The following ABLIM2 variants were observed in gnomAD, a reference collection of about 807,000 sequenced individuals.
ABLIM2 encodes actin binding LIM protein family member 2.
A neutral mutation model predicts 97.7 loss-of-function variants in ABLIM2; 53 were observed. That is an observed-to-expected ratio of 0.54 (90% CI 0.44 to 0.68). The LOEUF (loss-of-function observed/expected upper bound fraction) is 0.68. ABLIM2 is among the 30% of genes least tolerant of loss of function. The pLI, the probability that ABLIM2 is intolerant of heterozygous loss-of-function variation, is 0.00. For synonymous variants in ABLIM2, 361 were observed against 345.8 expected (o/e 1.04, Z -0.49); for missense variants, 835 against 867.2 (o/e 0.96, Z 0.47).
At position 8,124,877 on chromosome 4, in the gene ABLIM2, C is replaced by T. The variant is rs1232458214; in HGVS notation, c.11-18240G>A. 6.6e-6 allele frequency among the ~76,000 whole-genome samples: 1 copy of T among 152,184 alleles called. No homozygotes were observed. Among genetic ancestry groups the T allele is most frequent in the Non-Finnish European group, 1.5e-5 (1 of 68,032 alleles). ...TTCTGATTTCTACGCATCCCCACAGCCTGCTCTGGGTGTGCCTGCGATTTT... is the reference window on the plus strand; with the variant it reads ...TTCTGATTTCTACGCATCCCCACAGTCTGCTCTGGGTGTGCCTGCGATTTT... On this transcript the variant is annotated intron_variant, in intron 1 of 20. Transcript: ENST00000447017. The surrounding 1 kb of genome is among the most constrained non-coding windows in gnomAD (Gnocchi z 6.1).
intron 7 of ABLIM2, among the ~76,000 whole-genome samples, chr4:8,059,285 A>G (rs1292923552): frequency 6.6e-6 from 1 of 152,038 alleles, no homozygotes; most frequent in Non-Finnish European, 1.5e-5. Context: ...CCTCTGGCAT[A>G]AGGGTTATTT....
chr4:8,152,784 T>C (rs1401799041), intron 1 of ABLIM2, among the ~76,000 whole-genome samples: 2 of 152,142 alleles, frequency 1.3e-5, no homozygotes, highest in Non-Finnish European at 1.5e-5. Context: ...TCTGTGAGCC[T>C]CTACCACGTG....
intron 12 of ABLIM2, among the ~76,000 whole-genome samples, chr4:8,024,020 C>T (rs536850210): frequency 8.5e-5 from 13 of 152,314 alleles, no homozygotes; most frequent in African/African-American, 3.1e-4. Flanking sequence ...CAACCACAAT[C>T]ACCCTGAGGA....
At chr4:8,073,301 G>A (rs1229097559) in intron 6 of ABLIM2, among the ~76,000 whole-genome samples, 1 of 150,128 alleles carries the variant, frequency 6.7e-6, no homozygotes, top group Non-Finnish European at 1.5e-5. Context: ...CACCCAGGCC[G>A]TCCTCGCTGA....
rs749446854 is a variant in ABLIM2 at position 7,983,511 on chromosome 4, C to T, written c.1743+36G>A. On this transcript the variant is annotated intron_variant, in intron 19 of 20. Transcript: ENST00000447017. ...ACTTTTAACCTGGGCAGGTGTGGCGCGGCACGGAGGTCAGTGTGGGAGCGG... is the reference window on the plus strand; with the variant it reads ...ACTTTTAACCTGGGCAGGTGTGGCGTGGCACGGAGGTCAGTGTGGGAGCGG... 53 of 1,612,184 alleles carry T rather than the reference C, an allele frequency of 3.3e-5. 1 individual carries two copies. The South Asian group carries it at 5.1e-4, about 15-fold the overall frequency.
At position 8,054,296 on chromosome 4, in the gene ABLIM2, G is replaced by T. The variant is rs762779663; in HGVS notation, c.764-50C>A. ...AATGATTAGAGTTATTTCCCATGTT[G>T]CAGGGGCCTGTGTGGAAACGCAGAG... On this transcript the variant is annotated intron_variant, in intron 7 of 20. Coordinates refer to ENST00000447017, the MANE Select transcript of ABLIM2 (RefSeq NM_001130083.2). This position sits in a 1 kb window ranked among gnomAD's most constrained non-coding sequence, Gnocchi z 4.9. The T allele has an allele frequency of 6.6e-5, 105 of 1,595,344 alleles. 1 individual carries two copies. The highest frequency in any genetic ancestry group is 8.8e-5 in the Non-Finnish European group (103 of 1,164,198).
intron 2 of ABLIM2, among the ~76,000 whole-genome samples, chr4:8,102,796 G>C (rs926323318): frequency 6.6e-6 from 1 of 152,218 alleles, no homozygotes; most frequent in Non-Finnish European, 1.5e-5. Context: ...GGCTCAACTG[G>C]TAATGTGCCC....
In ABLIM2 at chr4:7,968,310, C is replaced by T. The variant is rs542373998; in HGVS notation, c.1825-1207G>A. ...CACACTCCACACAGTTATCATATGC[C>T]CCAGCCATCCACTCTTGGACAGACA... On this transcript the variant is annotated intron_variant, in intron 20 of 20. Transcript: ENST00000447017. Among the ~76,000 whole-genome samples the T allele has an allele frequency of 2.0e-5, 3 of 152,330 alleles. No individual in the cohort carries two copies. The East Asian group carries it at 5.8e-4, about 29-fold the overall frequency.
Position 8,127,856 on chromosome 4 carries a change from G to T in ABLIM2, c.11-21219C>A, listed in dbSNP as rs563400738. ...CTCTGAAAAGGCACTCGGGGTGGGG[G>T]AGGAGTGGTGGGGGTGGGGAGCATC... is the stretch of plus-strand genomic sequence containing the variant. On this transcript the variant is annotated intron_variant, in intron 1 of 20. Transcript: ENST00000447017. This position sits in a 1 kb window ranked among gnomAD's most constrained non-coding sequence, Gnocchi z 7.3. Among the ~76,000 whole-genome samples the T allele has an allele frequency of 4.0e-5, 6 of 151,600 alleles. No homozygotes were observed. Among genetic ancestry groups the T allele is most frequent in the African/African-American group, 1.4e-4 (6 of 41,406 alleles).
chr4:8,081,558 G>A (rs760427091), intron 4 of ABLIM2, among the ~76,000 whole-genome samples: 2 of 152,200 alleles, frequency 1.3e-5, no homozygotes, highest in Non-Finnish European at 2.9e-5. Flanking sequence ...GGGGAGCTGG[G>A]GAGAGCCTGG....
At chr4:8,076,742 G>A (rs115531435) in intron 6 of ABLIM2, among the ~76,000 whole-genome samples, 2,599 of 147,422 alleles carry the variant, frequency 0.018, 140 homozygotes, top group African/African-American at 0.063. Context: ...GGGTTGGGGG[G>A]GGTCTGTGAA....
chr4:8,134,257 G>A (rs995596940), intron 1 of ABLIM2, among the ~76,000 whole-genome samples: 1 of 152,200 alleles, frequency 6.6e-6, no homozygotes, highest in African/African-American at 2.4e-5. Context: ...CAGCCCCAGG[G>A]CAGGGTGAGC....
rs55782313 is a variant in ABLIM2, at chr4:8,052,967, A to G, written c.822+1221T>C. ...GGTTGCTGAGATCCGCAGCAGGATG[A>G]GGACATGGCCTGGCCTGTGGGCCTT... is the stretch of plus-strand genomic sequence containing the variant. On this transcript the variant is annotated intron_variant, in intron 8 of 20. Transcript: ENST00000447017. Among the ~76,000 whole-genome samples the G allele has an allele frequency of 6.1e-3, 928 of 152,346 alleles. 6 individuals are homozygous for G. The highest frequency in any genetic ancestry group is 9.6e-3 in the Non-Finnish European group (652 of 68,028).
rs371630767 is a variant in ABLIM2 at position 8,020,219 on chromosome 4, C to A, written c.1352G>T (p.Arg451Leu). 9.9e-6 allele frequency: 16 copies of A among 1,613,298 alleles called. No homozygotes were observed. Among genetic ancestry groups the A allele is most frequent in the Admixed American group, 1.7e-5 (1 of 59,984 alleles). ...PPPSTYQQAPRHFHVPDTGVK... is the reference protein window; with the variant it reads ...PPPSTYQQAPLHFHVPDTGVK... ...GAGCCTACCTGGGACGTGGAAGTGG[C>A]GAGGTGCCTGCTGGTAGGTGGAGGG... Residue 451 changes from arginine (R) to leucine (L), a missense_variant, in exon 13 of 21, where the codon CGC (arginine) becomes CTC (leucine). Physicochemically the swap from Arg to Leu is moderately radical, Grantham distance 102 (BLOSUM62 -2). Coordinates refer to ENST00000447017, the MANE Select transcript of ABLIM2 (RefSeq NM_001130083.2).
chr4:8,032,309 G>C lies in ABLIM2; in HGVS notation c.1048-2533C>G, dbSNP rs553853643. Among the ~76,000 whole-genome samples the C allele has an allele frequency of 5.6e-4, 85 of 152,308 alleles. No individual in the cohort carries two copies. The highest frequency in any genetic ancestry group is 1.8e-3 in the African/African-American group (76 of 41,562). On this transcript the variant is annotated intron_variant, in intron 10 of 20. Transcript: ENST00000447017. The surrounding 1 kb of genome is among the most constrained non-coding windows in gnomAD (Gnocchi z 4.3). ...TGCTTCCACACAACCCACGTGGAGG[G>C]GCAGGAGGCAGGAAGCGCTCCCAGG...
rs186569786 is a variant in ABLIM2 at position 8,149,179 on chromosome 4, C to T, written c.10+9501G>A. ...CCCTCCCTTCATCCTCAGAGCCAGGCGTGGAGACTTCTCTCTCCTCTCTGC... is the reference window on the plus strand; with the variant it reads ...CCCTCCCTTCATCCTCAGAGCCAGGTGTGGAGACTTCTCTCTCCTCTCTGC... On this transcript the variant is annotated intron_variant, in intron 1 of 20. Coordinates refer to ENST00000447017, the MANE Select transcript of ABLIM2 (RefSeq NM_001130083.2). This position sits in a 1 kb window ranked among gnomAD's most constrained non-coding sequence, Gnocchi z 6.4. Among the ~76,000 whole-genome samples, 29 of 152,336 alleles carry T rather than the reference C, an allele frequency of 1.9e-4. No individual in the cohort carries two copies. The highest frequency in any genetic ancestry group is 1.9e-3 in the South Asian group (9 of 4,832).
In ABLIM2 at chr4:8,155,984, T is replaced by C. The variant is rs1715184866; in HGVS notation, c.10+2696A>G. 6.6e-6 allele frequency among the ~76,000 whole-genome samples: 1 copy of C among 152,134 alleles called. No homozygotes were observed. The highest frequency in any genetic ancestry group is 2.4e-5 in the African/African-American group (1 of 41,424). Reference sequence around the variant, plus strand: ...CTGGCCTCTAGAATCAGCAAAAAAATAAGTGTCTTCTCTTTAAGCCACCTG... The same window carrying C: ...CTGGCCTCTAGAATCAGCAAAAAAACAAGTGTCTTCTCTTTAAGCCACCTG... On this transcript the variant is annotated intron_variant, in intron 1 of 20. Transcript: ENST00000447017. This position sits in a 1 kb window ranked among gnomAD's most constrained non-coding sequence, Gnocchi z 4.2.
At chr4:8,114,408 G>A (rs1049924607) in intron 1 of ABLIM2, among the ~76,000 whole-genome samples, 1 of 152,168 alleles carries the variant, frequency 6.6e-6, no homozygotes, top group African/African-American at 2.4e-5. Flanking sequence ...TGTCTTTTCG[G>A]GGACTTACAA....
chr4:8,018,152 C>T (rs1560649828), intron 14 of ABLIM2, among the ~76,000 whole-genome samples: 1 of 152,172 alleles, frequency 6.6e-6, no homozygotes, highest in Non-Finnish European at 1.5e-5. Flanking sequence ...GCTCTCTTCC[C>T]CTTTCTAAGG....
Sources: allele counts gnomAD v4.1 joint callset (sites outside exome capture counted in the v4.1 genomes callset), GRCh38; gene constraint gnomAD v4.1.1; non-coding constraint Gnocchi (gnomAD v3.1); transcripts MANE v1.5; gene names NCBI Gene and HGNC (gene_info 2026-07-23, HGNC 2026-07-21).